The following HTR1F variants were observed in gnomAD, a reference collection of about 807,000 sequenced individuals.
HTR1F encodes 5-hydroxytryptamine receptor 1F.
HTR1F carries 17 observed loss-of-function variants against 24.0 expected under a neutral mutation model. That is an observed-to-expected ratio of 0.71 (90% CI 0.48 to 1.06). HTR1F has a LOEUF of 1.06. Ranked by LOEUF, HTR1F falls within the 50% of genes least tolerant of loss-of-function variation. The pLI, the probability that HTR1F is intolerant of heterozygous loss-of-function variation, is 0.00. For synonymous variants in HTR1F, 186 were observed against 156.8 expected, an observed-to-expected ratio of 1.19 and a Z score of -1.39; for missense variants, 391 against 427.8, an observed-to-expected ratio of 0.91 and a Z score of 0.76.
At chr3:87,870,899 G>C (rs967846242) in intron 2 of HTR1F, among the ~76,000 whole-genome samples, 1 of 151,852 alleles carries the variant, frequency 6.6e-6, no homozygotes, top group African/African-American at 2.4e-5. Context: ...AGAATAATTA[G>C]CTGGGATGAT....
At chr3:87,981,363 T>G (rs1705539706) in intron 2 of HTR1F, among the ~76,000 whole-genome samples, 1 of 152,026 alleles carries the variant, frequency 6.6e-6, no homozygotes, top group Non-Finnish European at 1.5e-5. Context: ...CCCGGCTAAT[T>G]TTTTGTATTT....
chr3:87,825,821 A>G (rs1487971496), intron 2 of HTR1F, among the ~76,000 whole-genome samples: 7 of 152,208 alleles, frequency 4.6e-5, no homozygotes, highest in Non-Finnish European at 1.0e-4. Flanking sequence ...CACTTGAGAC[A>G]GGAGATTCTA....
intron 2 of HTR1F, among the ~76,000 whole-genome samples, chr3:87,943,203 T>C (rs547213495): frequency 2.0e-5 from 3 of 152,166 alleles, no homozygotes; most frequent in African/African-American, 7.2e-5. Context: ...TGTCATCCTA[T>C]CATTGACCTG....
intron 2 of HTR1F, among the ~76,000 whole-genome samples, chr3:87,874,174 A>T (rs1366702634): frequency 1.3e-5 from 2 of 152,102 alleles, no homozygotes; most frequent in Non-Finnish European, 2.9e-5. Context: ...ATTGGCAAAA[A>T]TAAATAAATG....
chr3:87,807,997 T>G (rs967505047), intron 1 of HTR1F, among the ~76,000 whole-genome samples: 4 of 152,060 alleles, frequency 2.6e-5, no homozygotes, highest in Admixed American at 2.0e-4. Context: ...ATTATTTTTT[T>G]AATGTGCTGT....
intron 2 of HTR1F, among the ~76,000 whole-genome samples, chr3:87,971,401 C>A (rs1432487819): frequency 6.6e-6 from 1 of 151,866 alleles, no homozygotes; most frequent in African/African-American, 2.4e-5. Context: ...AACCCCGTTT[C>A]TACAAAAATT....
intron 2 of HTR1F, among the ~76,000 whole-genome samples, chr3:87,845,875 T>C (rs1704929565): frequency 2.0e-5 from 3 of 152,002 alleles, no homozygotes; most frequent in Admixed American, 1.3e-4. Context: ...AATATTATTT[T>C]GGTGTTTTCA....
At position 87,885,524 on chromosome 3, in the gene HTR1F, A is replaced by G. The variant is rs140211740; in HGVS notation, c.-43+63400A>G. Among the ~76,000 whole-genome samples, 139 of 152,302 alleles carry G rather than the reference A, an allele frequency of 9.1e-4. 2 individuals are homozygous for G. In the East Asian group the frequency reaches 0.026, roughly 28 times the overall value. The stretch of plus-strand genomic sequence containing the variant: ...GAACTGAAGGAGATAGAGACACAAA[A>G]AACCCTTCAAAAAATCAGTGAATCC... On this transcript the variant is annotated intron_variant, in intron 2 of 2. Transcript: ENST00000319595.
intron 2 of HTR1F, among the ~76,000 whole-genome samples, chr3:87,902,226 A>G (rs1163702467): frequency 6.6e-6 from 1 of 152,186 alleles, no homozygotes; most frequent in Non-Finnish European, 1.5e-5. Flanking sequence ...GGAAAGTAGC[A>G]CAATAGAATA....
chr3:87,954,071 G>A (rs1704892419), intron 2 of HTR1F, among the ~76,000 whole-genome samples: 1 of 151,688 alleles, frequency 6.6e-6, no homozygotes, highest in African/African-American at 2.4e-5. Context: ...ACAGCATAGA[G>A]AGGTAGGTTA....
intron 1 of HTR1F, among the ~76,000 whole-genome samples, 177 bp from the exon 2 acceptor site, chr3:87,821,831 C>A (rs1183403882): frequency 6.8e-6 from 1 of 146,520 alleles, no homozygotes; most frequent in Non-Finnish European, 1.5e-5. Flanking sequence ...CCAAAAAAGA[C>A]GTTTTTTCTT....
intron 2 of HTR1F, among the ~76,000 whole-genome samples, chr3:87,856,413 T>G (rs1705200624): frequency 6.6e-6 from 1 of 152,052 alleles, no homozygotes; most frequent in Admixed American, 6.6e-5. Context: ...CACTCAATTT[T>G]ACAGTGAACC....
At chr3:87,896,935 G>C (rs1706210335) in intron 2 of HTR1F, among the ~76,000 whole-genome samples, 1 of 152,084 alleles carries the variant, frequency 6.6e-6, no homozygotes, top group Non-Finnish European at 1.5e-5. Flanking sequence ...GTGGAGAAAA[G>C]GGAACCCTTG....
chr3:87,801,362 C>G (rs1193472247), intron 1 of HTR1F, among the ~76,000 whole-genome samples: 1 of 151,980 alleles, frequency 6.6e-6, no homozygotes, highest in Non-Finnish European at 1.5e-5. Context: ...TTGTGTGAAC[C>G]CAGAATATCT....
chr3:87,894,075 CA>C (rs1706145812), intron 2 of HTR1F, among the ~76,000 whole-genome samples: 2 of 151,844 alleles, frequency 1.3e-5, no homozygotes, highest in South Asian at 4.2e-4. Flanking sequence ...CATATACCAC[CA>C]AATAAGTAAG....
chr3:87,800,535 G>A (rs1397003961), intron 1 of HTR1F, among the ~76,000 whole-genome samples: 1 of 152,156 alleles, frequency 6.6e-6, no homozygotes, highest in African/African-American at 2.4e-5. Flanking sequence ...CATTCACCAT[G>A]CTGTTTGTAT....
intron 2 of HTR1F, among the ~76,000 whole-genome samples, chr3:87,898,959 AATCTATTTCCTTTTTTGTTCT>A (rs1706261772): frequency 7.9e-5 from 12 of 152,164 alleles, no homozygotes; most frequent in African/African-American, 2.4e-5. Flanking sequence ...CTTTACAAGG[AATCTATTTCCTTTTTTGTTCT>A]GAAATTTTAA....
At chr3:87,797,164 G>C (rs933541073) in intron 1 of HTR1F, among the ~76,000 whole-genome samples, 6 of 152,146 alleles carry the variant, frequency 3.9e-5, no homozygotes, top group Non-Finnish European at 8.8e-5. Context: ...ATCTCTTACT[G>C]TGCCTAATTT....
At chr3:87,933,902 C>T (rs1437617985) in intron 2 of HTR1F, among the ~76,000 whole-genome samples, 2 of 152,124 alleles carry the variant, frequency 1.3e-5, no homozygotes, top group Non-Finnish European at 2.9e-5. Flanking sequence ...ACTTTCCAGC[C>T]TATAATGAGA....
Sources: allele counts gnomAD v4.1 joint callset (sites outside exome capture counted in the v4.1 genomes callset), GRCh38; gene constraint gnomAD v4.1.1; transcripts MANE v1.5; gene names NCBI Gene and HGNC (gene_info 2026-07-23, HGNC 2026-07-21).